DUSP2: variants seen among roughly 807,000 people sequenced by gnomAD.
DUSP2 encodes the protein dual specificity protein phosphatase 2.
Under a neutral mutation model 23.3 loss-of-function variants are expected in DUSP2, and 20 were observed. That is an observed-to-expected ratio of 0.86 (90% CI 0.60 to 1.25). DUSP2 has a LOEUF of 1.25. Among genes scored for constraint, DUSP2 ranks in the 50% most tolerant of loss-of-function variants. The pLI, the probability that DUSP2 is intolerant of heterozygous loss-of-function variation, is 0.00. For synonymous variants in DUSP2, 231 were observed against 209.7 expected (o/e 1.10, Z -0.88); for missense variants, 435 against 452.6 (o/e 0.96, Z 0.35).
In DUSP2 at chr2:96,145,176, C is replaced by T; in HGVS notation, c.179G>A (p.Arg60His). Residue 60 changes from arginine (R) to histidine (H), a missense_variant, in exon 1 of 4, where the codon CGC becomes CAC. Arg to His is a conservative substitution (Grantham distance 29, BLOSUM62 0). Transcript: ENST00000288943. ...GGCGAGAACGGCGGCAGGAGGGCCG[C>T]GCGCGCGGCGCCGCAGCAGCGCGTT... ...PWNALLRRRA[R>H]GPPAAVLACL... is the part of the protein sequence containing the mutation. 7.8e-7 allele frequency: 1 copy of T among 1,290,044 alleles called. No individual in the cohort carries two copies. The allele number at this position is 1,290,044 out of a possible 1,614,324, so 79.9% of individuals were successfully genotyped here.
intron 2 of DUSP2, 90 bp from the exon 3 acceptor site, chr2:96,144,463 G>T: frequency 7.7e-7 from 1 of 1,294,572 alleles, no homozygotes; most frequent in Non-Finnish European, 1.1e-6. Context: ...GGCTGGCCGA[G>T]ACAAGAGGAC....
At chr2:96,144,454 G>C (rs533153952) in intron 2 of DUSP2, 81 bp from the exon 3 acceptor site, 9 of 1,430,052 alleles carry the variant, frequency 6.3e-6, no homozygotes, top group South Asian at 1.3e-5. Flanking sequence ...GACCCCATGG[G>C]CTGGCCGAGA....
rs1259122893 is a variant in DUSP2 at position 96,143,393 on chromosome 2, T to C, written c.*430A>G. ...ACCCATCACTTCCCAAGTCCCCAGC[T>C]TCCCCAGGAACACAGGGCTTGGGCT... On this transcript the variant is annotated 3_prime_UTR_variant, in exon 4 of 4. Coordinates refer to ENST00000288943, the MANE Select transcript of DUSP2 (RefSeq NM_004418.4). The C allele has an allele frequency of 1.7e-5, 3 of 181,804 alleles. No homozygotes were observed. The highest frequency in any genetic ancestry group is 3.5e-5 in the Non-Finnish European group (3 of 85,470). The allele number at this position is 181,804 out of a possible 1,614,324, so 11.3% of individuals were successfully genotyped here. A position where few individuals can be genotyped will look rare whatever the true frequency, so the allele number is the denominator to read the frequency against.
chr2:96,145,154 G>C lies in DUSP2; in HGVS notation c.201C>G (p.Leu67=). Residue 67 remains leucine (L), a synonymous_variant, in exon 1 of 4, where the codon CTC becomes CTG. Coordinates refer to ENST00000288943, the MANE Select transcript of DUSP2 (RefSeq NM_004418.4). ...RRARGPPAAV[L]ACLLPDRALR... is the part of the protein sequence containing the mutation. ...GCGCGCGGTCGGGCAGCAGGCAGGC[G>C]AGAACGGCGGCAGGAGGGCCGCGCG... 1 of 1,320,080 alleles carries C rather than the reference G, an allele frequency of 7.6e-7. No individual in the cohort carries two copies. Among genetic ancestry groups the C allele is most frequent in the Non-Finnish European group, 9.6e-7 (1 of 1,041,252 alleles). The allele number at this position is 1,320,080 out of a possible 1,614,324, so 81.8% of individuals were successfully genotyped here.
Position 96,144,308 on chromosome 2 carries a change from CTGCAGGTCT to C in DUSP2, c.567_575del (p.Asp190_Gln192del). The C allele has an allele frequency of 6.2e-7, 1 of 1,613,910 alleles. No individual in the cohort carries two copies. The highest frequency in any genetic ancestry group is 8.5e-7 in the Non-Finnish European group (1 of 1,180,036). On this transcript the variant is annotated inframe_deletion, in exon 3 of 4. Coordinates refer to ENST00000288943, the MANE Select transcript of DUSP2 (RefSeq NM_004418.4). ...CTGTGATGCCACAGGCCTGCAGCCCCTGCAGGTCTGACGAGTGACTGCAGCTGCCCAGGA... is the reference window on the plus strand; with the variant it reads ...CTGTGATGCCACAGGCCTGCAGCCCCGACGAGTGACTGCAGCTGCCCAGGA...
Position 96,144,307 on chromosome 2 carries a change from C to T in DUSP2, c.577G>A (p.Gly193Arg), listed in dbSNP as rs963742224. The change falls in exon 3 of 4, where the codon GGG becomes AGG. Residue 193 changes from glycine (G) to arginine (R), a missense_variant. Gly to Arg is a moderately radical substitution (Grantham distance 125). Transcript: ENST00000288943. The part of the protein sequence containing the change: ...GSCSHSSDLQ[G>R]LQACGITAVL... ...GCTGTGATGCCACAGGCCTGCAGCC[C>T]CTGCAGGTCTGACGAGTGACTGCAG... The T allele has an allele frequency of 6.2e-7, 1 of 1,613,778 alleles. No individual in the cohort carries two copies. The highest frequency in any genetic ancestry group is 8.5e-7 in the Non-Finnish European group (1 of 1,180,044).
rs1349567432 is a variant in DUSP2, at chr2:96,145,189, G to A, written c.166C>T (p.Arg56Trp). The A allele has an allele frequency of 7.8e-7, 1 of 1,286,834 alleles. No individual in the cohort carries two copies. Among genetic ancestry groups the A allele is most frequent in the South Asian group, 2.5e-5 (1 of 39,942 alleles). The allele number at this position is 1,286,834 out of a possible 1,614,324, so 79.7% of individuals were successfully genotyped here. A position where few individuals can be genotyped will look rare whatever the true frequency, so the allele number is the denominator to read the frequency against. The change falls in exon 1 of 4, where the codon CGG becomes TGG. Residue 56 changes from arginine (R) to tryptophan (W), a missense_variant. Physicochemically the swap from Arg to Trp is moderately radical, Grantham distance 101. Coordinates refer to ENST00000288943, the MANE Select transcript of DUSP2 (RefSeq NM_004418.4). Reference sequence around the variant, plus strand: ...GCAGGAGGGCCGCGCGCGCGGCGCCGCAGCAGCGCGTTCCAAGGCACTGGC... The same window carrying A: ...GCAGGAGGGCCGCGCGCGCGGCGCCACAGCAGCGCGTTCCAAGGCACTGGC... ...ARPVPWNALL[R>W]RRARGPPAAV...
rs1343281090 is a variant in DUSP2 at position 96,144,168 on chromosome 2, G to T, written c.716C>A (p.Ala239Asp). 1 of 1,613,992 alleles carries T rather than the reference G, an allele frequency of 6.2e-7. No individual in the cohort carries two copies. Among genetic ancestry groups the T allele is most frequent in the Non-Finnish European group, 8.5e-7 (1 of 1,180,048 alleles). ...TGCCCCCTTACCAATGAAGCCTATG[G>T]CCTCCTGGAACCAGGCACTGATCTC... ...MVEISAWFQE[A>D]IGFIDWVKNS... Residue 239 changes from alanine to aspartate, a missense_variant, in exon 3 of 4, where the codon GCC becomes GAC. Coordinates refer to ENST00000288943, the MANE Select transcript of DUSP2 (RefSeq NM_004418.4).
At position 96,144,571 on chromosome 2, in the gene DUSP2, A is replaced by G. The variant is rs116699863; in HGVS notation, c.510+190T>C. On this transcript the variant is annotated intron_variant, in intron 2 of 3. Transcript: ENST00000288943. ...CTTCATGCTCCCAACATACACATGC[A>G]AACATACACAGACCCATACAGGCAC... is the stretch of plus-strand genomic sequence containing the variant. The G allele has an allele frequency of 7.3e-3, 5,206 of 716,716 alleles. 204 individuals carry two copies. The African/African-American group carries it at 0.085, about 12-fold the overall frequency. 44.4% of individuals were successfully genotyped at this position (716,716 alleles called of 1,614,324 possible).
In DUSP2 at chr2:96,144,305, C is replaced by T. The variant is rs372766743; in HGVS notation, c.579G>A (p.Gly193=). The T allele has an allele frequency of 5.6e-5, 91 of 1,613,892 alleles. No homozygotes were observed. Among genetic ancestry groups the T allele is most frequent in the Non-Finnish European group, 6.4e-5 (76 of 1,180,022 alleles). ...GSCSHSSDLQ[G]LQACGITAVL... is the part of the protein sequence containing the mutation. ...CGGCTGTGATGCCACAGGCCTGCAG[C>T]CCCTGCAGGTCTGACGAGTGACTGC... is the stretch of plus-strand genomic sequence containing the variant. Residue 193 remains glycine, a synonymous_variant, in exon 3 of 4, where the codon GGG becomes GGA. Coordinates refer to ENST00000288943, the MANE Select transcript of DUSP2 (RefSeq NM_004418.4).
chr2:96,144,254 G>A lies in DUSP2; in HGVS notation c.630C>T (p.Pro210=), dbSNP rs1317456084. 4 of 1,614,036 alleles carry A rather than the reference G, an allele frequency of 2.5e-6. No homozygotes were observed. Among genetic ancestry groups the A allele is most frequent in the Non-Finnish European group, 3.4e-6 (4 of 1,180,042 alleles). The change falls in exon 3 of 4, where the codon CCC becomes CCT. Residue 210 remains proline (P), a synonymous_variant. Coordinates refer to ENST00000288943, the MANE Select transcript of DUSP2 (RefSeq NM_004418.4). ...TAVLNVSASC[P]NHFEGLFRYK... ...AGCGGAAAAGGCCCTCAAAGTGGTT[G>A]GGGCAGCTGGCGGACACGTTGAGGA... is the stretch of plus-strand genomic sequence containing the variant.
In DUSP2 at chr2:96,145,001, G is replaced by C; in HGVS notation, c.354C>G (p.Thr118=). 1.3e-6 allele frequency: 2 copies of C among 1,542,722 alleles called. No individual in the cohort carries two copies. The highest frequency in any genetic ancestry group is 1.7e-6 in the Non-Finnish European group (2 of 1,149,994). The change falls in exon 1 of 4, where the codon ACC becomes ACG. Residue 118 remains threonine, a synonymous_variant. Coordinates refer to ENST00000288943, the MANE Select transcript of DUSP2 (RefSeq NM_004418.4). The part of the protein sequence containing the change: ...HVLLAALLHE[T]RAGPTAVYFL... ...AGTACACGGCAGTGGGCCCCGCGCG[G>C]GTCTCGTGCAGCAGCGCGGCCAGCA...
rs769813572 is a variant in DUSP2 at position 96,144,323 on chromosome 2, G to C, written c.561C>G (p.His187Gln). ...LPYLFLGSCSHSSDLQGLQAC... is the reference protein window; with the variant it reads ...LPYLFLGSCSQSSDLQGLQAC... Reference sequence around the variant, plus strand: ...CCTGCAGCCCCTGCAGGTCTGACGAGTGACTGCAGCTGCCCAGGAACAGGT... The same window carrying C: ...CCTGCAGCCCCTGCAGGTCTGACGACTGACTGCAGCTGCCCAGGAACAGGT... Residue 187 changes from histidine to glutamine, a missense_variant, in exon 3 of 4, where the codon CAC becomes CAG. By Grantham distance (24) the His-to-Gln change is conservative. Transcript: ENST00000288943. 7 of 1,613,862 alleles carry C rather than the reference G, an allele frequency of 4.3e-6. No homozygotes were observed. The highest frequency in any genetic ancestry group is 5.9e-6 in the Non-Finnish European group (7 of 1,180,028).
At position 96,144,818 on chromosome 2, in the gene DUSP2, C is replaced by T; in HGVS notation, c.453G>A (p.Leu151=). Residue 151 remains leucine, a synonymous_variant, in exon 2 of 4, where the codon CTG becomes CTA. Transcript: ENST00000288943. ...DLCSEAPAPA[L]PPTGDKTSRS... ...GGCTGGTTTTGTCCCCTGTTGGCGG[C>T]AGCGCAGGGGCGGGGGCCTCAGAGC... 3 of 1,572,452 alleles carry T rather than the reference C, an allele frequency of 1.9e-6. No individual in the cohort carries two copies. Among genetic ancestry groups the T allele is most frequent in the Non-Finnish European group, 2.6e-6 (3 of 1,160,294 alleles).
intron 2 of DUSP2, 27 bp from the exon 3 acceptor site, chr2:96,144,400 C>T: frequency 6.2e-7 from 1 of 1,600,976 alleles, no homozygotes; most frequent in East Asian, 2.2e-5. Context: ...GGCGGTGAGG[C>T]CTTTCCAGCC....
intron 2 of DUSP2, 45 bp downstream of exon 2, chr2:96,144,716 C>T (rs1682471793): frequency 6.7e-7 from 1 of 1,488,248 alleles, no homozygotes; most frequent in South Asian, 1.3e-5. Context: ...GCCCAGTCCG[C>T]GGCGGGGAGA....
chr2:96,144,101 C>T (rs920699225), intron 3 of DUSP2, 53 bp downstream of exon 3: 6 of 1,612,280 alleles, frequency 3.7e-6, no homozygotes, highest in Non-Finnish European at 5.1e-6. Flanking sequence ...CAGGTGCCCC[C>T]AGTCCTCTCC....
At position 96,144,747 on chromosome 2, in the gene DUSP2, G is replaced by A. The variant is rs1452371028; in HGVS notation, c.510+14C>T. On this transcript the variant is annotated intron_variant, in intron 2 of 3. Coordinates refer to ENST00000288943, the MANE Select transcript of DUSP2 (RefSeq NM_004418.4). ...GGAGAGAGGGAGGTTCGGGGGAGGG[G>A]GGTCAATACTCACCTGGTCGTAGAC... 6 of 1,550,724 alleles carry A rather than the reference G, an allele frequency of 3.9e-6. No individual in the cohort carries two copies. The highest frequency in any genetic ancestry group is 4.4e-6 in the Non-Finnish European group (5 of 1,148,256).
chr2:96,144,676 C>A, intron 2 of DUSP2, 85 bp downstream of exon 2: 1 of 1,281,268 alleles, frequency 7.8e-7, no homozygotes, highest in Non-Finnish European at 1.1e-6. Context: ...CTGCTCGCAT[C>A]CCCAAATGGC....
Sources: gnomAD v4.1 joint callset for allele counts on GRCh38, gnomAD v4.1.1 for gene constraint, MANE v1.5 for transcripts, NCBI Gene and HGNC (gene_info 2026-07-23, HGNC 2026-07-21) for gene names.